NDE1: variants seen among roughly 807,000 people sequenced by gnomAD.
The protein encoded by NDE1 is nuclear distribution protein nudE homolog 1.
Under a neutral mutation model 43.4 loss-of-function variants are expected in NDE1, and 28 were observed. The observed-to-expected ratio is 0.65, with a 90% CI of 0.48 to 0.89. The LOEUF (loss-of-function observed/expected upper bound fraction) is 0.89. Ranked by LOEUF, NDE1 falls within the 40% of genes least tolerant of loss-of-function variation. The pLI, the probability that NDE1 is intolerant of heterozygous loss-of-function variation, is 0.00. For missense variants in NDE1, 441 were observed against 434.1 expected (o/e 1.02, Z -0.14); for synonymous variants, 184 against 172.0 (o/e 1.07, Z -0.55).
At chr16:15,668,104 C>T (rs551877000) in intron 3 of NDE1, among the ~76,000 whole-genome samples, 1 of 152,156 alleles carries the variant, frequency 6.6e-6, no homozygotes, top group African/African-American at 2.4e-5. Flanking sequence ...TGGTGCATAC[C>T]TGTAATCCCA....
intron 3 of NDE1, among the ~76,000 whole-genome samples, chr16:15,668,981 GCT>G (rs2037454271): frequency 6.8e-6 from 1 of 146,420 alleles, no homozygotes; most frequent in African/African-American, 2.5e-5. Flanking sequence ...CTCACTGCAA[GCT>G]CCGCCTCCCA....
In NDE1 at chr16:15,703,129, A is replaced by G. The variant is rs114348971; in HGVS notation, c.947+6269A>G. ...AGAAAACAGCTCAACAGAAAAGCCA[A>G]CGACATTGTGATTTATAACCATTTA... On this transcript the variant is annotated intron_variant, in intron 8 of 8. Coordinates refer to ENST00000396354, the MANE Select transcript of NDE1 (RefSeq NM_017668.3). 2.3e-3 allele frequency: 416 copies of G among 182,642 alleles called. 1 individual carries two copies. The highest frequency in any genetic ancestry group is 8.9e-3 in the African/African-American group (378 of 42,606). The allele number at this position is 182,642 out of a possible 1,614,324, so 11.3% of individuals were successfully genotyped here.
At chr16:15,717,249 T>C (rs2040206752) in intron 8 of NDE1, 3 of 1,614,054 alleles carry the variant, frequency 1.9e-6, no homozygotes, top group Non-Finnish European at 2.5e-6. Context: ...TGGAGCTTGC[T>C]CCGGAGCTCC....
At chr16:15,688,693 T>TTATTTTTTTTTA (rs1222942429) in intron 5 of NDE1, among the ~76,000 whole-genome samples, 3 of 82,324 alleles carry the variant, frequency 3.6e-5, no homozygotes, top group Non-Finnish European at 6.7e-5. Context: ...TTTTACCTTT[T>TTATTTTTTTTTA]TTTTTTTTTT....
chr16:15,692,303 A>G (rs1447996712), intron 6 of NDE1, among the ~76,000 whole-genome samples: 9 of 152,216 alleles, frequency 5.9e-5, no homozygotes, highest in Admixed American at 5.2e-4. Flanking sequence ...ATTCAGACCC[A>G]GGCAGGCAGG....
At chr16:15,660,466 C>G (rs2036986679) in intron 1 of NDE1, among the ~76,000 whole-genome samples, 1 of 151,730 alleles carries the variant, frequency 6.6e-6, no homozygotes, top group Admixed American at 6.6e-5. Context: ...GATTGAGACC[C>G]TATCTCTTAA....
chr16:15,687,421 G>A lies in NDE1; in HGVS notation c.433G>A (p.Ala145Thr), dbSNP rs958267016. 1.9e-6 allele frequency: 3 copies of A among 1,614,068 alleles called. No individual in the cohort carries two copies. The highest frequency in any genetic ancestry group is 2.7e-5 in the African/African-American group (2 of 74,920). ...LEDFEQRLNQ[A>T]IERNAFLESE... ...AGACTTTGAGCAGCGCTTGAATCAG[G>A]CCATCGAAAGAAATGCCTTCCTGGA... Residue 145 changes from alanine (A) to threonine (T), a missense_variant, in exon 5 of 9, where the codon GCC becomes ACC. Transcript: ENST00000396354.
At chr16:15,657,039 C>T (rs577914345) in intron 1 of NDE1, among the ~76,000 whole-genome samples, 2 of 152,002 alleles carry the variant, frequency 1.3e-5, no homozygotes, top group African/African-American at 4.8e-5. Flanking sequence ...TTATTGTATG[C>T]TGACAACCTT....
intron 8 of NDE1, among the ~76,000 whole-genome samples, chr16:15,722,020 G>C (rs546826594): frequency 3.1e-4 from 47 of 152,206 alleles, no homozygotes; most frequent in Non-Finnish European, 5.6e-4. Context: ...ACCACACCTG[G>C]CTAATTTTTG....
intron 4 of NDE1, among the ~76,000 whole-genome samples, chr16:15,682,344 T>C (rs1311794299): frequency 6.6e-6 from 1 of 152,174 alleles, no homozygotes; most frequent in Non-Finnish European, 1.5e-5. Flanking sequence ...ACCGGGTTTC[T>C]CCATGTTGCC....
At chr16:15,645,117 G>T (rs1206495549) in intron 1 of NDE1, among the ~76,000 whole-genome samples, 1 of 151,886 alleles carries the variant, frequency 6.6e-6, no homozygotes, top group Non-Finnish European at 1.5e-5. Flanking sequence ...ACGGGATATT[G>T]CCATGTTGGC....
At chr16:15,710,319 G>A (rs147854227) in intron 8 of NDE1, among the ~76,000 whole-genome samples, 2,249 of 152,130 alleles carry the variant, frequency 0.015, 18 homozygotes, top group East Asian at 0.035. Flanking sequence ...TCAGGAGATC[G>A]AGACCATCCC....
intron 5 of NDE1, among the ~76,000 whole-genome samples, chr16:15,690,337 CTTTTTTTTT>C (rs67220509): frequency 1.3e-5 from 1 of 74,108 alleles, no homozygotes; most frequent in Non-Finnish European, 2.7e-5. Flanking sequence ...TGCAACTGGC[CTTTTTTTTT>C]TTTTTTCTTT....
At chr16:15,721,207 AC>A in intron 8 of NDE1, 1 of 971,870 alleles carries the variant, frequency 1.0e-6, no homozygotes, top group Non-Finnish European at 1.6e-6. Context: ...GAGAGTTCAG[AC>A]CCCAGCCTTA....
intron 4 of NDE1, among the ~76,000 whole-genome samples, chr16:15,681,600 T>C (rs898122513): frequency 5.9e-5 from 9 of 152,158 alleles, no homozygotes; most frequent in African/African-American, 1.4e-4. Context: ...TTGTTTTTTT[T>C]CCCATGATTT....
chr16:15,691,328 G>A lies in NDE1; in HGVS notation c.703+5G>A, dbSNP rs929207429. On this transcript the variant is annotated splice_donor_5th_base_variant and intron_variant, in intron 6 of 8. Transcript: ENST00000396354. The stretch of plus-strand genomic sequence containing the variant: ...CACCTGGGAGCTTCAGACGTGGTAA[G>A]GGGAGTGGGAATTGCAGGATTTTCT... The A allele has an allele frequency of 6.2e-7, 1 of 1,613,884 alleles. No homozygotes were observed. Among genetic ancestry groups the A allele is most frequent in the African/African-American group, 1.3e-5 (1 of 74,932 alleles).
intron 8 of NDE1, chr16:15,712,882 G>GGTTTTTTTTTTTTTTTTTTTTTT (rs2039886822): frequency 2.2e-5 from 2 of 90,636 alleles, no homozygotes; most frequent in African/African-American, 9.0e-5. Context: ...TTCACATACA[G>GGTTTTTTTTTTTTTTTTTTTTTT]TTTTTTTTTT....
intron 8 of NDE1, among the ~76,000 whole-genome samples, chr16:15,704,915 GCAGT>G (rs1430971025): frequency 4.6e-5 from 7 of 151,882 alleles, no homozygotes; most frequent in African/African-American, 1.7e-4. Flanking sequence ...CTGAGCTCAA[GCAGT>G]TCTCCTACCT....
At chr16:15,650,871 C>T (rs1425243731) in intron 1 of NDE1, among the ~76,000 whole-genome samples, 1 of 152,226 alleles carries the variant, frequency 6.6e-6, no homozygotes, top group Non-Finnish European at 1.5e-5. Flanking sequence ...TTTCCAAAAA[C>T]CCACCCTGCT....
Sources: gnomAD v4.1 joint callset for allele counts (sites outside exome capture counted in the v4.1 genomes callset) on GRCh38, gnomAD v4.1.1 for gene constraint, MANE v1.5 for transcripts, NCBI Gene and HGNC (gene_info 2026-07-23, HGNC 2026-07-21) for gene names.